CSDE1: variants seen among roughly 807,000 people sequenced by gnomAD.
CSDE1 encodes cold shock domain containing E1.
Under a neutral mutation model 89.3 loss-of-function variants are expected in CSDE1, and 17 were observed. The observed-to-expected ratio is 0.19, with a 90% CI of 0.13 to 0.29. CSDE1 has a LOEUF of 0.29. Ranked by LOEUF, CSDE1 falls within the 10% of genes least tolerant of loss-of-function variation. The pLI, the probability that CSDE1 is intolerant of heterozygous loss-of-function variation, is 1.00. For missense variants in CSDE1, 672 were observed against 984.2 expected (o/e 0.68, Z 4.24); for synonymous variants, 322 against 332.8 (o/e 0.97, Z 0.35).
At position 114,726,317 on chromosome 1, in the gene CSDE1, G is replaced by A. The variant is rs1379534757; in HGVS notation, c.1534C>T (p.Arg512Cys). The part of the protein sequence containing the change: ...QVATCVRLLG[R>C]NSNSKRLLGY... ...AAGAGCCTCTTGGAGTTAGAATTAC[G>A]ACCTAAAAGTCGCACACAAGTTGCA... The change falls in exon 14 of 20, where the codon CGT becomes TGT. Residue 512 changes from arginine (R) to cysteine (C), a missense_variant. This residue lies in a region of CSDE1 where 108 missense variants were observed against 105.0 expected (regional missense o/e 1.03). Transcript: ENST00000358528. 3.1e-6 allele frequency: 5 copies of A among 1,613,606 alleles called. No individual in the cohort carries two copies. The highest frequency in any genetic ancestry group is 3.4e-6 in the Non-Finnish European group (4 of 1,179,868).
intron 2 of CSDE1, among the ~76,000 whole-genome samples, chr1:114,740,320 T>C (rs2101058504): frequency 6.6e-6 from 1 of 152,314 alleles, no homozygotes; most frequent in Middle Eastern, 3.4e-3. Context: ...GCCAATACCT[T>C]AATACTGTTT....
intron 1 of CSDE1, among the ~76,000 whole-genome samples, chr1:114,757,592 C>G (rs1028832320): frequency 6.6e-6 from 1 of 152,088 alleles, no homozygotes; most frequent in Admixed American, 6.6e-5. Flanking sequence ...CCTCCGCGCC[C>G]GAGCCCCGCA....
intron 2 of CSDE1, among the ~76,000 whole-genome samples, chr1:114,744,762 T>TA (rs61419898): frequency 0.29 from 44,562 of 151,824 alleles, 7,306 homozygotes; most frequent in African/African-American, 0.42. Flanking sequence ...TACTCAAACC[T>TA]GGGGGAAAAG....
rs1407230223 is a variant in CSDE1, at chr1:114,756,730, CA to C, written c.-388+1194del. 6 of 152,268 alleles carry C rather than the reference CA, an allele frequency of 3.9e-5. No homozygotes were observed. The East Asian group carries it at 1.2e-3, about 29-fold the overall frequency. 9.4% of individuals were successfully genotyped at this position (152,268 alleles called of 1,614,324 possible). On this transcript the variant is annotated intron_variant, in intron 1 of 19. Coordinates refer to ENST00000358528, the MANE Select transcript of CSDE1 (RefSeq NM_001007553.3). ...TGTCTCCCAACTGTTTAAAGAGCGC[CA>C]TATTCTTTTACTCATTTAAGGTGCA...
At chr1:114,743,379 A>G (rs931283755) in intron 2 of CSDE1, among the ~76,000 whole-genome samples, 1 of 152,072 alleles carries the variant, frequency 6.6e-6, no homozygotes, top group African/African-American at 2.4e-5. Flanking sequence ...TTTAGTAGAG[A>G]CGGGGTTTCA....
chr1:114,754,451 A>G (rs1661481363), intron 1 of CSDE1, among the ~76,000 whole-genome samples: 1 of 152,248 alleles, frequency 6.6e-6, no homozygotes, highest in African/African-American at 2.4e-5. Context: ...ATTATTTTGA[A>G]AGTATGTGCA....
At chr1:114,720,801 A>G (rs1659475218) in intron 16 of CSDE1, 84 bp from the exon 17 acceptor site, 6 of 1,170,146 alleles carry the variant, frequency 5.1e-6, no homozygotes, top group Middle Eastern at 4.0e-4. Flanking sequence ...ATAACTGCTA[A>G]AAATGTGTTA....
chr1:114,745,070 C>A (rs1021474435), intron 2 of CSDE1, among the ~76,000 whole-genome samples: 2 of 151,938 alleles, frequency 1.3e-5, no homozygotes, highest in East Asian at 1.9e-4. Context: ...ATATACCAAA[C>A]TAGCAAAGAC....
At position 114,718,571 on chromosome 1, in the gene CSDE1, G is replaced by T. The variant is rs779087443; in HGVS notation, c.2349+42C>A. On this transcript the variant is annotated intron_variant, in intron 19 of 19. Transcript: ENST00000358528. The stretch of plus-strand genomic sequence containing the variant: ...AAATAGGACCACATATTTTATGTTG[G>T]TCTATCAGTTGGCCTCCCCCAAGCC... 1.9e-6 allele frequency: 3 copies of T among 1,596,356 alleles called. No homozygotes were observed. In the African/African-American group the frequency reaches 4.0e-5, roughly 22 times the overall value.
intron 17 of CSDE1, 30 bp from the exon 18 acceptor site, chr1:114,719,772 G>A (rs1282987904): frequency 6.3e-7 from 1 of 1,598,386 alleles, no homozygotes; most frequent in East Asian, 2.2e-5. Flanking sequence ...AAAAAAGAGA[G>A]GGCATGCCAC....
intron 3 of CSDE1, among the ~76,000 whole-genome samples, chr1:114,739,414 A>G (rs1660598984): frequency 6.6e-6 from 1 of 152,232 alleles, no homozygotes; most frequent in South Asian, 2.1e-4. Context: ...GTAACATTAC[A>G]AAAGTTCAAT....
intron 5 of CSDE1, 71 bp from the exon 6 acceptor site, chr1:114,736,926 T>A: frequency 8.3e-7 from 1 of 1,202,986 alleles, no homozygotes; most frequent in Non-Finnish European, 1.2e-6. Context: ...ATTTACTTAC[T>A]TAAAAACCTC....
intron 1 of CSDE1, among the ~76,000 whole-genome samples, chr1:114,750,870 G>C (rs1661270176): frequency 6.6e-6 from 1 of 152,230 alleles, no homozygotes; most frequent in African/African-American, 2.4e-5. Flanking sequence ...CTTCAGAGCA[G>C]CGACCATGCA....
chr1:114,725,175 C>CT (rs1279289301), intron 15 of CSDE1, 46 bp downstream of exon 15: 2 of 1,451,964 alleles, frequency 1.4e-6, no homozygotes, highest in East Asian at 4.5e-5. Flanking sequence ...CATCCTTTAT[C>CT]TCCCACTTAA....
chr1:114,719,864 C>T (rs1659413933), intron 17 of CSDE1, 122 bp from the exon 18 acceptor site: 1 of 951,122 alleles, frequency 1.1e-6, no homozygotes, highest in South Asian at 1.7e-5. Context: ...TACTCCAGTC[C>T]AGCTGCCTGT....
At position 114,726,976 on chromosome 1, in the gene CSDE1, A is replaced by T; in HGVS notation, c.1464+7T>A. On this transcript the variant is annotated splice_region_variant and intron_variant, in intron 13 of 19. Coordinates refer to ENST00000358528, the MANE Select transcript of CSDE1 (RefSeq NM_001007553.3). The stretch of plus-strand genomic sequence containing the variant: ...AACCCTCTCTCGAATGAGCAGAATT[A>T]TCTTGCCTTATCTCCTATTTGAGGA... 6.3e-7 allele frequency: 1 copy of T among 1,584,934 alleles called. No individual in the cohort carries two copies. Among genetic ancestry groups the T allele is most frequent in the East Asian group, 2.2e-5 (1 of 44,694 alleles).
At chr1:114,733,556 A>G (rs906085119) in intron 9 of CSDE1, among the ~76,000 whole-genome samples, 176 bp downstream of exon 9, 3 of 151,320 alleles carry the variant, frequency 2.0e-5, no homozygotes, top group African/African-American at 7.3e-5. Context: ...AAAACACCAT[A>G]TTTATGAATA....
intron 12 of CSDE1, 69 bp from the exon 13 acceptor site, chr1:114,727,159 G>A: frequency 9.4e-7 from 1 of 1,068,456 alleles, no homozygotes; most frequent in Non-Finnish European, 1.4e-6. Flanking sequence ...AACAACTATA[G>A]TTCTTACATA....
intron 2 of CSDE1, among the ~76,000 whole-genome samples, chr1:114,745,715 A>G (rs1322453116): frequency 1.3e-5 from 2 of 152,240 alleles, no homozygotes; most frequent in Non-Finnish European, 2.9e-5. Context: ...CCTTTTCTAC[A>G]TATTTACTTT....
Sources: allele counts gnomAD v4.1 joint callset (sites outside exome capture counted in the v4.1 genomes callset), GRCh38; gene constraint gnomAD v4.1.1; regional missense constraint gnomAD v4.1.1; transcripts MANE v1.5; gene names NCBI Gene and HGNC (gene_info 2026-07-23, HGNC 2026-07-21).